The following ATP2C2 variants were observed in gnomAD, a reference collection of about 807,000 sequenced individuals.
ATP2C2 encodes the protein calcium-transporting ATPase type 2C member 2.
In ATP2C2, 171 loss-of-function variants were observed where a neutral mutation model predicts 110.8. The ratio of observed to expected loss-of-function variants is 1.54; its 90% CI spans 1.36 to 1.75. ATP2C2 has a LOEUF of 1.75. Among genes scored for constraint, ATP2C2 ranks in the 40% most tolerant of loss-of-function variants. ATP2C2 has a pLI of 0.00. For missense variants in ATP2C2, 1,963 were observed against 1,235.0 expected (o/e 1.59, Z -8.84); for synonymous variants, 804 against 508.4 (o/e 1.58, Z -7.82).
At chr16:84,429,302 C>A (rs111766547) in intron 11 of ATP2C2, among the ~76,000 whole-genome samples, 4 of 152,128 alleles carry the variant, frequency 2.6e-5, no homozygotes, top group African/African-American at 9.7e-5. Context: ...TAGGGGCGCA[C>A]CACCACACCC....
At chr16:84,424,660 T>G (rs1044401121) in intron 10 of ATP2C2, among the ~76,000 whole-genome samples, 3 of 147,246 alleles carry the variant, frequency 2.0e-5, no homozygotes, top group African/African-American at 7.6e-5. Flanking sequence ...ATGGACCCCC[T>G]AGAAGGCCCA....
At chr16:84,451,780 G>C (rs890904999) in intron 17 of ATP2C2, 141 bp from the exon 18 acceptor site, 3 of 830,698 alleles carry the variant, frequency 3.6e-6, no homozygotes, top group East Asian at 4.9e-5. Flanking sequence ...AGAGGCTGCA[G>C]TGAGCCAACA....
intron 6 of ATP2C2, among the ~76,000 whole-genome samples, chr16:84,415,050 C>T (rs571970890): frequency 1.4e-4 from 21 of 152,198 alleles, no homozygotes; most frequent in Non-Finnish European, 2.2e-4. Context: ...CATGGCCCTG[C>T]GGGAATGGAG....
chr16:84,456,182 G>T (rs1910773847), intron 21 of ATP2C2, among the ~76,000 whole-genome samples: 1 of 127,430 alleles, frequency 7.8e-6, no homozygotes, highest in Non-Finnish European at 1.6e-5. Context: ...TCTATTGATT[G>T]GAATAGTTTC....
intron 1 of ATP2C2, among the ~76,000 whole-genome samples, chr16:84,398,231 G>C (rs6564031): frequency 6.6e-6 from 1 of 151,714 alleles, no homozygotes; most frequent in Non-Finnish European, 1.5e-5. Context: ...GTGAAACCTC[G>C]TCTCTACTAA....
At position 84,415,549 on chromosome 16, in the gene ATP2C2, C is replaced by T. The variant is rs767915422; in HGVS notation, c.582C>T (p.Leu194=). 1.2e-6 allele frequency: 2 copies of T among 1,614,158 alleles called. No individual in the cohort carries two copies. Among genetic ancestry groups the T allele is most frequent in the East Asian group, 2.2e-5 (1 of 44,872 alleles). Residue 194 remains leucine (L), a synonymous_variant, in exon 7 of 27, where the codon CTC becomes CTT. Coordinates refer to ENST00000262429, the MANE Select transcript of ATP2C2 (RefSeq NM_014861.4). The stretch of plus-strand genomic sequence containing the variant: ...TGGTTCCTGGTGATGTCGTATCTCT[C>T]TCGATCGGAGACCGGATCCCTGCAG... ...RELVPGDVVS[L]SIGDRIPADI...
chr16:84,453,108 A>C (rs1384298762), intron 18 of ATP2C2, 30 bp from the exon 19 acceptor site: 4 of 1,577,226 alleles, frequency 2.5e-6, no homozygotes, highest in South Asian at 2.3e-5. Flanking sequence ...CGGGCCTCAG[A>C]GCAGGCCCTC....
intron 3 of ATP2C2, chr16:84,406,615 C>T (rs1338798589): frequency 4.1e-6 from 4 of 985,512 alleles, no homozygotes; most frequent in Non-Finnish European, 4.8e-6. Flanking sequence ...GAATGTTATT[C>T]ATCGATGCGT....
chr16:84,398,135 G>A (rs1905104236), intron 1 of ATP2C2, among the ~76,000 whole-genome samples: 1 of 151,430 alleles, frequency 6.6e-6, no homozygotes, highest in Non-Finnish European at 1.5e-5. Flanking sequence ...GGGCGCAGTG[G>A]CTCCACCTTT....
intron 2 of ATP2C2, among the ~76,000 whole-genome samples, chr16:84,400,239 T>C (rs1905232396): frequency 6.6e-6 from 1 of 152,212 alleles, no homozygotes; most frequent in Non-Finnish European, 1.5e-5. Flanking sequence ...GGAGTGCAGA[T>C]ATCTCTTCAA....
chr16:84,439,545 C>G (rs779845321), intron 13 of ATP2C2, 21 bp downstream of exon 13: 2 of 1,610,930 alleles, frequency 1.2e-6, no homozygotes, highest in African/African-American at 1.3e-5. Flanking sequence ...AAGGAATTTA[C>G]AAGCCTTAAG....
At chr16:84,376,784 T>C (rs1910275119) in intron 1 of ATP2C2, among the ~76,000 whole-genome samples, 1 of 152,182 alleles carries the variant, frequency 6.6e-6, no homozygotes. Flanking sequence ...GATCCAATGA[T>C]TACGCATTCC....
chr16:84,397,670 A>AAAAAC (rs1555553736), intron 1 of ATP2C2, among the ~76,000 whole-genome samples: 9 of 145,896 alleles, frequency 6.2e-5, no homozygotes, highest in Admixed American at 3.4e-4. Context: ...AAAAAAAAAA[A>AAAAAC]AAACTTGCTT....
chr16:84,384,453 T>C (rs1904295501), intron 1 of ATP2C2, among the ~76,000 whole-genome samples: 1 of 152,200 alleles, frequency 6.6e-6, no homozygotes, highest in Non-Finnish European at 1.5e-5. Context: ...CCTTAGTACA[T>C]GGTATTGGGA....
At chr16:84,405,019 T>C (rs2038903714) in intron 2 of ATP2C2, 109 bp from the exon 3 acceptor site, 2 of 906,592 alleles carry the variant, frequency 2.2e-6, no homozygotes, top group African/African-American at 1.6e-5. Context: ...CAAGCCTGTG[T>C]CCCTGGCCCA....
chr16:84,437,032 G>A (rs1390445387), intron 11 of ATP2C2, among the ~76,000 whole-genome samples: 1 of 152,102 alleles, frequency 6.6e-6, no homozygotes, highest in East Asian at 1.9e-4. Flanking sequence ...AAAGTGCTGG[G>A]ATTACAGGCA....
At chr16:84,436,790 T>TG (rs1908780718) in intron 11 of ATP2C2, among the ~76,000 whole-genome samples, 1 of 130,558 alleles carries the variant, frequency 7.7e-6, no homozygotes. Flanking sequence ...GAGACAGACT[T>TG]TCACTCTTGT....
At chr16:84,374,809 C>T (rs1368234136) in intron 1 of ATP2C2, among the ~76,000 whole-genome samples, 1 of 152,156 alleles carries the variant, frequency 6.6e-6, no homozygotes, top group Admixed American at 6.5e-5. Context: ...TGCTATTTCT[C>T]TTTCGGGGAC....
At chr16:84,384,049 A>C (rs929096135) in intron 1 of ATP2C2, among the ~76,000 whole-genome samples, 2 of 152,066 alleles carry the variant, frequency 1.3e-5, no homozygotes, top group African/African-American at 4.8e-5. Context: ...TCAGCCTCCC[A>C]AAGTGCTGGG....
Sources: gnomAD v4.1 joint callset for allele counts (sites outside exome capture counted in the v4.1 genomes callset) on GRCh38, gnomAD v4.1.1 for gene constraint, MANE v1.5 for transcripts, NCBI Gene and HGNC (gene_info 2026-07-23, HGNC 2026-07-21) for gene names.